The following CSMD2 variants were observed in gnomAD, a reference collection of about 807,000 sequenced individuals.
The protein encoded by CSMD2 is CUB and Sushi multiple domains 2, also known as CUB and sushi domain-containing protein 2.
Under a neutral mutation model 398.5 loss-of-function variants are expected in CSMD2, and 130 were observed. That is an observed-to-expected ratio of 0.33 (90% confidence interval 0.28 to 0.38). The LOEUF is 0.38. Ranked by LOEUF, CSMD2 falls within the 10% of genes least tolerant of loss-of-function variation. CSMD2 has a pLI of 1.00. For missense variants in CSMD2, 3,829 were observed against 4,764.9 expected (o/e 0.80, Z 5.78); for synonymous variants, 1,828 against 1,908.5 (o/e 0.96, Z 1.10).
chr1:33,874,428 T>C (rs1558037398), intron 5 of CSMD2, among the ~76,000 whole-genome samples: 1 of 152,214 alleles, frequency 6.6e-6, no homozygotes, highest in Non-Finnish European at 1.5e-5. Flanking sequence ...AAATGAACAA[T>C]TGAATCATGA....
At chr1:33,539,211 C>A (rs1467637086) in intron 60 of CSMD2, among the ~76,000 whole-genome samples, 1 of 152,146 alleles carries the variant, frequency 6.6e-6, no homozygotes, top group Non-Finnish European at 1.5e-5. Flanking sequence ...CGTGATCCAC[C>A]CACCTCGGCC....
intron 44 of CSMD2, among the ~76,000 whole-genome samples, chr1:33,594,200 T>C (rs1639688120): frequency 6.6e-6 from 1 of 152,256 alleles, no homozygotes; most frequent in Admixed American, 6.5e-5. Flanking sequence ...TTTGAGTTAC[T>C]GGTTCATCTG....
chr1:33,979,053 C>T (rs1314661224), intron 3 of CSMD2, among the ~76,000 whole-genome samples: 1 of 152,170 alleles, frequency 6.6e-6, no homozygotes, highest in Admixed American at 6.5e-5. Flanking sequence ...GTACATATAC[C>T]TTTCTGGAAG....
intron 37 of CSMD2, among the ~76,000 whole-genome samples, chr1:33,619,665 C>T (rs1476924245): frequency 3.3e-5 from 5 of 152,152 alleles, no homozygotes; most frequent in African/African-American, 7.2e-5. Context: ...AACCACAGAA[C>T]GTTGCTATCA....
chr1:34,135,066 T>G (rs1558441744), intron 1 of CSMD2, among the ~76,000 whole-genome samples: 1 of 152,140 alleles, frequency 6.6e-6, no homozygotes, highest in African/African-American at 2.4e-5. Context: ...GGCCAAGCAA[T>G]CTGTATTTTA....
chr1:33,857,861 G>C (rs1247932433), intron 5 of CSMD2, among the ~76,000 whole-genome samples: 4 of 152,154 alleles, frequency 2.6e-5, no homozygotes, highest in East Asian at 1.9e-4. Context: ...GAAGTAGGTG[G>C]ACTGAATAAT....
Position 33,567,616 on chromosome 1 carries a change from G to C in CSMD2, c.8357C>G (p.Ser2786Trp). 11 of 1,614,096 alleles carry C rather than the reference G, an allele frequency of 6.8e-6. No homozygotes were observed. Among genetic ancestry groups the C allele is most frequent in the Non-Finnish European group, 9.3e-6 (11 of 1,180,002 alleles). ...VRICQQDHHW[S>W]GKTPFCVPIT... is the part of the protein sequence containing the mutation. The stretch of plus-strand genomic sequence containing the variant: ...ACGCACACAGAAAGGGGTCTTGCCC[G>C]ACCAGTGATGATCCTGCTGGCAGAT... The change falls in exon 53 of 71, where the codon TCG becomes TGG. Residue 2786 changes from serine to tryptophan, a missense_variant. Ser to Trp is a radical substitution (Grantham distance 177). Around this residue, in one of 5 missense-constraint regions of CSMD2, gnomAD observed 917 missense variants for 1,199.5 expected, o/e 0.76. Coordinates refer to ENST00000373381, the MANE Select transcript of CSMD2 (RefSeq NM_001281956.2).
intron 24 of CSMD2, among the ~76,000 whole-genome samples, chr1:33,694,923 G>T (rs1029916371): frequency 1.3e-5 from 2 of 152,186 alleles, no homozygotes; most frequent in African/African-American, 2.4e-5. Flanking sequence ...ACAGGATACT[G>T]CCCTCCCCTG....
chr1:34,030,239 C>T (rs140439928), intron 3 of CSMD2, among the ~76,000 whole-genome samples: 3 of 152,286 alleles, frequency 2.0e-5, no homozygotes, highest in Non-Finnish European at 2.9e-5. Context: ...CCATATGTGG[C>T]TGATGGCTAC....
chr1:33,550,780 C>T (rs544721380), intron 55 of CSMD2, among the ~76,000 whole-genome samples: 9 of 152,346 alleles, frequency 5.9e-5, no homozygotes, highest in African/African-American at 2.2e-4. Flanking sequence ...CCTTTTCCAT[C>T]TGCATCTTAC....
At chr1:33,572,289 A>G (rs1659661483) in intron 50 of CSMD2, among the ~76,000 whole-genome samples, 1 of 152,114 alleles carries the variant, frequency 6.6e-6, no homozygotes, top group Admixed American at 6.5e-5. Flanking sequence ...CCTAAGTTCC[A>G]TGGTGGTTTG....
Position 33,991,460 on chromosome 1 carries a change from C to T in CSMD2, c.517+41134G>A, listed in dbSNP as rs7546218. Among the ~76,000 whole-genome samples the T allele has an allele frequency of 9.6e-3, 1,456 of 152,262 alleles. 22 individuals carry two copies. Among genetic ancestry groups the T allele is most frequent in the African/African-American group, 0.034 (1,392 of 41,534 alleles). ...AACTTGAAAGTGTGGGCTAGAAAAT[C>T]TTGGAAATTCTTCCATCGAAATTGA... On this transcript the variant is annotated intron_variant, in intron 3 of 70. Transcript: ENST00000373381.
chr1:33,807,385 C>A (rs945531560), intron 10 of CSMD2, among the ~76,000 whole-genome samples: 1 of 152,038 alleles, frequency 6.6e-6, no homozygotes, highest in African/African-American at 2.4e-5. Context: ...CATGTACCCC[C>A]GAATCTAAAA....
intron 5 of CSMD2, among the ~76,000 whole-genome samples, chr1:33,914,696 G>T (rs1464397939): frequency 1.3e-5 from 2 of 152,170 alleles, no homozygotes; most frequent in Non-Finnish European, 2.9e-5. Flanking sequence ...CAGCAAAACA[G>T]GGAGAACTGG....
intron 1 of CSMD2, among the ~76,000 whole-genome samples, chr1:34,134,322 C>T (rs1435899773): frequency 6.6e-6 from 1 of 152,138 alleles, no homozygotes; most frequent in African/African-American, 2.4e-5. Flanking sequence ...TTCTCTCTGA[C>T]AGGCCTAGGG....
At chr1:33,595,031 C>T (rs144802497) in intron 44 of CSMD2, among the ~76,000 whole-genome samples, 3 of 152,298 alleles carry the variant, frequency 2.0e-5, no homozygotes, top group African/African-American at 4.8e-5. Context: ...CACAAAACAA[C>T]CATCAACATT....
intron 21 of CSMD2, among the ~76,000 whole-genome samples, chr1:33,711,758 A>C (rs11579547): frequency 9.9e-5 from 15 of 152,242 alleles, no homozygotes; most frequent in Non-Finnish European, 4.4e-5. Context: ...TGCTTCCTGC[A>C]TAAGAGCTAT....
In CSMD2 at chr1:33,606,249, C is replaced by T. The variant is rs563724081; in HGVS notation, c.6344-779G>A. 7.9e-5 allele frequency among the ~76,000 whole-genome samples: 12 copies of T among 152,332 alleles called. No homozygotes were observed. In the South Asian group the frequency reaches 2.1e-3, roughly 26 times the overall value. ...CGTGGCAGTAATTGCGCCCACTCCA[C>T]TCAGGAAATTGGCAGCGGGAGGAGA... On this transcript the variant is annotated intron_variant, in intron 41 of 70. Coordinates refer to ENST00000373381, the MANE Select transcript of CSMD2 (RefSeq NM_001281956.2).
At chr1:34,036,742 A>G (rs2148170490) in intron 2 of CSMD2, among the ~76,000 whole-genome samples, 1 of 152,348 alleles carries the variant, frequency 6.6e-6, no homozygotes, top group East Asian at 1.9e-4. Flanking sequence ...AGAAGGGTAC[A>G]TGGAACCTCT....
Sources: gnomAD v4.1 joint callset for allele counts (sites outside exome capture counted in the v4.1 genomes callset) on GRCh38, gnomAD v4.1.1 for gene constraint, gnomAD v4.1.1 regional missense constraint, MANE v1.5 for transcripts, NCBI Gene and HGNC (gene_info 2026-07-23, HGNC 2026-07-21) for gene names.